KCNG3: variants seen among roughly 807,000 people sequenced by gnomAD.
KCNG3 encodes voltage-gated potassium channel regulatory subunit KCNG3.
KCNG3 carries 15 observed loss-of-function variants against 29.0 expected under a neutral mutation model. The ratio of observed to expected loss-of-function variants is 0.52; its 90% CI spans 0.35 to 0.80. The LOEUF (loss-of-function observed/expected upper bound fraction) is 0.80. KCNG3 is among the 30% of genes least tolerant of loss of function. The probability of loss-of-function intolerance (pLI) is 0.01; values close to 1 mark genes in which losing one functional copy is unlikely to be tolerated. For synonymous variants in KCNG3, 322 were observed against 248.9 expected, an observed-to-expected ratio of 1.29 and a Z score of -2.76; for missense variants, 512 against 605.7, an observed-to-expected ratio of 0.85 and a Z score of 1.62.
chr2:42,426,320 T>C, the KCNG3 span, among the ~76,000 whole-genome samples: 22 of 152,334 alleles, frequency 1.4e-4, no homozygotes, highest in East Asian at 1.3e-3. Context: ...GCTATGTCCA[T>C]TTAAACCATC....
chr2:42,482,367 C>G (rs527946613), intron 1 of KCNG3, among the ~76,000 whole-genome samples: 25 of 152,058 alleles, frequency 1.6e-4, no homozygotes, highest in Non-Finnish European at 2.9e-4. Flanking sequence ...TTGCTTGAGG[C>G]CAGAAGTTCA....
At chr2:42,398,927 C>T in the KCNG3 span, among the ~76,000 whole-genome samples, 1 of 152,306 alleles carries the variant, frequency 6.6e-6, no homozygotes, top group Admixed American at 6.5e-5. Context: ...GCAGGAATCG[C>T]CTCACCCTCA....
the KCNG3 span, among the ~76,000 whole-genome samples, chr2:42,428,884 T>G: frequency 2.4e-4 from 37 of 152,144 alleles, no homozygotes; most frequent in African/African-American, 8.7e-4. Context: ...TTTGGGAAGC[T>G]GAGGTGGGCA....
intron 1 of KCNG3, among the ~76,000 whole-genome samples, chr2:42,460,760 G>GT: frequency 6.6e-6 from 1 of 152,260 alleles, no homozygotes; most frequent in South Asian, 2.1e-4. Context: ...CCACTGACCA[G>GT]TGTTTAGGCT....
intron 1 of KCNG3, among the ~76,000 whole-genome samples, chr2:42,466,530 CT>C (rs1487486150): frequency 3.3e-5 from 5 of 152,180 alleles, no homozygotes; most frequent in Non-Finnish European, 2.9e-5. Context: ...ATAGGCTATA[CT>C]ATACAGCCTA....
chr2:42,430,740 T>A, the KCNG3 span, among the ~76,000 whole-genome samples: 1 of 151,672 alleles, frequency 6.6e-6, no homozygotes, highest in Non-Finnish European at 1.5e-5. Context: ...GGCCACCTTA[T>A]GAAATTCTGT....
the KCNG3 span, among the ~76,000 whole-genome samples, chr2:42,390,681 T>C: frequency 1.3e-5 from 2 of 152,148 alleles, no homozygotes; most frequent in Non-Finnish European, 2.9e-5. Context: ...TTCTCAGAAC[T>C]GTCAAACTGA....
the KCNG3 span, among the ~76,000 whole-genome samples, chr2:42,401,644 A>G: frequency 7.2e-5 from 11 of 152,026 alleles, no homozygotes; most frequent in Admixed American, 3.9e-4. Context: ...GGGTCTCACT[A>G]TGTTGCCCAG....
At chr2:42,424,224 A>G in the KCNG3 span, among the ~76,000 whole-genome samples, 5 of 152,228 alleles carry the variant, frequency 3.3e-5, no homozygotes, top group Non-Finnish European at 5.9e-5. Context: ...GCTGAGTGCC[A>G]AAACTCATTT....
At chr2:42,492,692 G>A (rs1445238506) in intron 1 of KCNG3, 145 bp downstream of exon 1, 5 of 653,296 alleles carry the variant, frequency 7.7e-6, no homozygotes, top group Middle Eastern at 2.6e-4. Flanking sequence ...GACCGGTCCC[G>A]TAGTTGGCCG....
At chr2:42,476,076 A>G (rs1572859584) in intron 1 of KCNG3, among the ~76,000 whole-genome samples, 2 of 152,166 alleles carry the variant, frequency 1.3e-5, no homozygotes, top group African/African-American at 4.8e-5. Context: ...ATATAATAAT[A>G]ATAATTAATA....
chr2:42,470,515 A>G (rs1024928452), intron 1 of KCNG3, among the ~76,000 whole-genome samples: 2 of 152,190 alleles, frequency 1.3e-5, no homozygotes, highest in African/African-American at 4.8e-5. Context: ...TTTAAAATAA[A>G]TAAATAAGAC....
chr2:42,454,985 T>C (rs994529319), intron 1 of KCNG3, among the ~76,000 whole-genome samples: 5 of 152,180 alleles, frequency 3.3e-5, no homozygotes, highest in Non-Finnish European at 7.3e-5. Flanking sequence ...AATATGAATA[T>C]ATTATACTTA....
chr2:42,431,628 T>C, the KCNG3 span, among the ~76,000 whole-genome samples: 11 of 152,220 alleles, frequency 7.2e-5, no homozygotes, highest in Admixed American at 7.2e-4. Context: ...TTCCAACCAT[T>C]TGAGGAAATG....
chr2:42,419,721 C>G, the KCNG3 span, among the ~76,000 whole-genome samples: 2 of 152,222 alleles, frequency 1.3e-5, no homozygotes, highest in African/African-American at 4.8e-5. Flanking sequence ...CTACTTATTT[C>G]ATGTTCTGGC....
chr2:42,399,450 A>G, the KCNG3 span, among the ~76,000 whole-genome samples: 3 of 152,282 alleles, frequency 2.0e-5, no homozygotes, highest in East Asian at 1.9e-4. Context: ...TTCAGCTTCA[A>G]TTCTAATCTT....
At chr2:42,414,757 C>T in the KCNG3 span, among the ~76,000 whole-genome samples, 1 of 152,096 alleles carries the variant, frequency 6.6e-6, no homozygotes, top group African/African-American at 2.4e-5. Context: ...CAACTGATTA[C>T]CTTTTTGTTC....
chr2:42,475,499 TTTTA>T (rs1673402160), intron 1 of KCNG3, among the ~76,000 whole-genome samples: 1 of 151,904 alleles, frequency 6.6e-6, no homozygotes, highest in African/African-American at 2.4e-5. Context: ...TGGCTAATTC[TTTTA>T]TTTTTTTGTA....
chr2:42,466,276 C>G lies in KCNG3; in HGVS notation c.666-21697G>C, dbSNP rs576972930. On this transcript the variant is annotated intron_variant, in intron 1 of 1. Transcript: ENST00000306078. ...CAAAAATTAGTCAGGCGTGGTGGTG[C>G]CTGCCTGTAATCCTAGCTACTCGGG... Among the ~76,000 whole-genome samples, 7 of 152,144 alleles carry G rather than the reference C, an allele frequency of 4.6e-5. No homozygotes were observed. The South Asian group carries it at 1.5e-3, about 32-fold the overall frequency.
Sources: gnomAD v4.1 joint callset for allele counts (sites outside exome capture counted in the v4.1 genomes callset) on GRCh38, gnomAD v4.1.1 for gene constraint, MANE v1.5 for transcripts, NCBI Gene and HGNC (gene_info 2026-07-23, HGNC 2026-07-21) for gene names.